Variants in CACNG8 observed in about 807,000 individuals in gnomAD.
The protein encoded by CACNG8 is calcium voltage-gated channel auxiliary subunit gamma 8.
CACNG8 carries 5 observed loss-of-function variants against 26.9 expected under a neutral mutation model. That is an observed-to-expected ratio of 0.19 (90% CI 0.10 to 0.39). CACNG8 has a LOEUF of 0.39. Ranked by LOEUF, CACNG8 falls within the 10% of genes least tolerant of loss-of-function variation. The pLI is 1.00. For missense variants in CACNG8, 473 were observed against 609.4 expected, an observed-to-expected ratio of 0.78 and a Z score of 2.36; for synonymous variants, 321 against 296.7, an observed-to-expected ratio of 1.08 and a Z score of -0.84.
In CACNG8 at chr19:53,963,363, C is replaced by T. The variant is rs376239386; in HGVS notation, c.221C>T (p.Ser74Leu). 1.9e-6 allele frequency: 3 copies of T among 1,589,112 alleles called. No homozygotes were observed. Among genetic ancestry groups the T allele is most frequent in the Non-Finnish European group, 2.6e-6 (3 of 1,174,048 alleles). Reference sequence around the variant, plus strand: ...CCCCACCGCGGGGGCGGCGGCGCCTCGGAGAAGAAGGACCCCGGCGGCCTC... The same window carrying T: ...CCCCACCGCGGGGGCGGCGGCGCCTTGGAGAAGAAGGACCCCGGCGGCCTC... Residue 74 changes from serine to leucine, a missense_variant, in exon 1 of 4, where the codon TCG (serine) becomes TTG (leucine). Transcript: ENST00000270458.
At chr19:53,964,401 T>C (rs143691733) in intron 1 of CACNG8, among the ~76,000 whole-genome samples, 1 of 152,130 alleles carries the variant, frequency 6.6e-6, no homozygotes, top group Non-Finnish European at 1.5e-5. Context: ...TTCCCATCAG[T>C]GCCCCCACCC....
At chr19:53,969,530 G>C (rs79154344) in intron 1 of CACNG8, among the ~76,000 whole-genome samples, 11,546 of 151,886 alleles carry the variant, frequency 0.076, 511 homozygotes, top group African/African-American at 0.12. Context: ...AACGCATTGG[G>C]ATTACAGGAG....
rs528910209 is a variant in CACNG8 at position 53,989,589 on chromosome 19, G to A, written c.*6740G>A. On this transcript the variant is annotated 3_prime_UTR_variant, in exon 4 of 4. Transcript: ENST00000270458. Reference sequence around the variant, plus strand: ...TTCTGTCCCATCTCTGCCTTCAGAGGGGGGGACAGGTAGTCCAGACAATTA... The same window carrying A: ...TTCTGTCCCATCTCTGCCTTCAGAGAGGGGGACAGGTAGTCCAGACAATTA... 2.6e-5 allele frequency: 4 copies of A among 152,272 alleles called. No individual in the cohort carries two copies. Among genetic ancestry groups the A allele is most frequent in the South Asian group, 4.1e-4 (2 of 4,834 alleles). 9.4% of individuals were successfully genotyped at this position (152,272 alleles called of 1,614,324 possible).
chr19:53,964,098 AG>A (rs2069258939), intron 1 of CACNG8, among the ~76,000 whole-genome samples: 1 of 151,882 alleles, frequency 6.6e-6, no homozygotes, highest in African/African-American at 2.4e-5. Flanking sequence ...TGCACCCAGC[AG>A]CCTCTTTCTC....
intron 1 of CACNG8, among the ~76,000 whole-genome samples, chr19:53,966,098 T>A (rs1374195375): frequency 6.7e-6 from 1 of 149,160 alleles, no homozygotes; most frequent in African/African-American, 2.5e-5. Context: ...TTTATTTATT[T>A]ATTTATTGAA....
Position 53,982,682 on chromosome 19 carries a change from G to T in CACNG8, c.1111G>T (p.Ala371Ser), listed in dbSNP as rs2069379877. 8.9e-7 allele frequency: 1 copy of T among 1,121,224 alleles called. No individual in the cohort carries two copies. Among genetic ancestry groups the T allele is most frequent in the Non-Finnish European group, 1.1e-6 (1 of 922,524 alleles). The allele number at this position is 1,121,224 out of a possible 1,614,324, so 69.5% of individuals were successfully genotyped here. Residue 371 changes from alanine (A) to serine (S), a missense_variant, in exon 4 of 4, where the codon GCC becomes TCC. Physicochemically the swap from Ala to Ser is moderately conservative, Grantham distance 99 (BLOSUM62 1). Transcript: ENST00000270458. The surrounding 1 kb of genome is among the most constrained non-coding windows in gnomAD (Gnocchi z 8.4). ...GTCCGGCTTCCTCACGCTGCACAACGCCTTCCCCAAGGAGGCGGGCGGCGG... is the reference window on the plus strand; with the variant it reads ...GTCCGGCTTCCTCACGCTGCACAACTCCTTCCCCAAGGAGGCGGGCGGCGG...
chr19:53,965,139 C>T (rs76348616), intron 1 of CACNG8, among the ~76,000 whole-genome samples: 1,806 of 152,266 alleles, frequency 0.012, 36 homozygotes, highest in African/African-American at 0.041. Flanking sequence ...GAGCAGAACT[C>T]GAATCTCATG....
At chr19:53,968,985 G>A (rs1177685987) in intron 1 of CACNG8, among the ~76,000 whole-genome samples, 1 of 151,824 alleles carries the variant, frequency 6.6e-6, no homozygotes, top group Non-Finnish European at 1.5e-5. Flanking sequence ...CTGCAAAGTA[G>A]GTACTTTATT....
intron 1 of CACNG8, among the ~76,000 whole-genome samples, chr19:53,972,995 G>A (rs928125516): frequency 3.9e-5 from 6 of 152,126 alleles, no homozygotes; most frequent in Non-Finnish European, 8.8e-5. Context: ...GTAAAGCAAG[G>A]ATGCTGTCAC....
Position 53,979,867 on chromosome 19 carries a change from G to A in CACNG8, c.368G>A (p.Arg123Gln). Residue 123 changes from arginine to glutamine, a missense_variant and splice_region_variant, in exon 3 of 4, where the codon CGA becomes CAA. Transcript: ENST00000270458. ...TTTTCCTTTCCTTCCTCCCCCGCAG[G>A]AGTTGTCCGGGCCTCCAGCATCTTC... 1 of 1,600,842 alleles carries A rather than the reference G, an allele frequency of 6.2e-7. No homozygotes were observed. The highest frequency in any genetic ancestry group is 1.3e-5 in the African/African-American group (1 of 74,338).
chr19:53,980,060 G>GTC, intron 3 of CACNG8, 53 bp downstream of exon 3: 1 of 598,694 alleles, frequency 1.7e-6, no homozygotes, highest in Non-Finnish European at 2.3e-6. Context: ...GCGCGCACGT[G>GTC]TGTGTGTGTG....
chr19:53,963,313 C>T lies in CACNG8; in HGVS notation c.171C>T (p.Leu57=). 1 of 1,605,646 alleles carries T rather than the reference C, an allele frequency of 6.2e-7. No individual in the cohort carries two copies. Among genetic ancestry groups the T allele is most frequent in the Non-Finnish European group, 8.5e-7 (1 of 1,178,648 alleles). ...CCCTCATCTGCAACACCACCAACCT[C>T]ACGGCCGGCGGCGACGACGGGACCC... Residue 57 remains leucine, a synonymous_variant, in exon 1 of 4, where the codon CTC becomes CTT. Coordinates refer to ENST00000270458, the MANE Select transcript of CACNG8 (RefSeq NM_031895.6).
At chr19:53,978,068 G>T in intron 1 of CACNG8, 78 bp from the exon 2 acceptor site, 1 of 953,012 alleles carries the variant, frequency 1.0e-6, no homozygotes. Context: ...GGGAAGGGAA[G>T]GGTCGGTTGT....
At chr19:53,979,090 T>G (rs1600034481) in intron 2 of CACNG8, among the ~76,000 whole-genome samples, 1 of 115,826 alleles carries the variant, frequency 8.6e-6, no homozygotes, top group Non-Finnish European at 1.7e-5. Flanking sequence ...GGAAGATAGG[T>G]GAAGCCAGAC....
chr19:53,979,215 A>T (rs1396527985), intron 2 of CACNG8, among the ~76,000 whole-genome samples: 1 of 139,626 alleles, frequency 7.2e-6, no homozygotes, highest in Non-Finnish European at 1.6e-5. Context: ...GTGGGGGGGG[A>T]CCTATGAAGA....
chr19:53,981,146 C>T (rs144255601), intron 3 of CACNG8, among the ~76,000 whole-genome samples: 10 of 152,176 alleles, frequency 6.6e-5, no homozygotes, highest in Admixed American at 2.6e-4. Flanking sequence ...GATACTCCGG[C>T]AGGAATTATA....
At chr19:53,969,976 A>G (rs2069292791) in intron 1 of CACNG8, among the ~76,000 whole-genome samples, 1 of 151,008 alleles carries the variant, frequency 6.6e-6, no homozygotes, top group Admixed American at 6.6e-5. Flanking sequence ...TACTAAATAT[A>G]CAAAAATATT....
intron 1 of CACNG8, among the ~76,000 whole-genome samples, chr19:53,964,087 C>T (rs1453673303): frequency 6.6e-6 from 1 of 152,170 alleles, no homozygotes; most frequent in Non-Finnish European, 1.5e-5. Context: ...GCATGAGCCA[C>T]TGCACCCAGC....
At chr19:53,980,522 C>T (rs778159260) in intron 3 of CACNG8, among the ~76,000 whole-genome samples, 1 of 151,942 alleles carries the variant, frequency 6.6e-6, no homozygotes, top group Non-Finnish European at 1.5e-5. Flanking sequence ...CCGTCCAGGG[C>T]CGGGAAGTGG....
Sources: allele counts gnomAD v4.1 joint callset (sites outside exome capture counted in the v4.1 genomes callset), GRCh38; gene constraint gnomAD v4.1.1; non-coding constraint Gnocchi (gnomAD v3.1); transcripts MANE v1.5; gene names NCBI Gene and HGNC (gene_info 2026-07-23, HGNC 2026-07-21).